The following CIMAP3 variants were observed in gnomAD, a reference collection of about 807,000 sequenced individuals.
CIMAP3 encodes ciliary microtubule associated protein 3.
At chr1:111,333,175 T>C in the CIMAP3 span, among the ~76,000 whole-genome samples, 1 of 152,176 alleles carries the variant, frequency 6.6e-6, no homozygotes, top group Non-Finnish European at 1.5e-5. Context: ...TCACCCTGGA[T>C]GGAAATTTCA....
chr1:111,330,284 T>C, the CIMAP3 span, among the ~76,000 whole-genome samples: 7 of 152,334 alleles, frequency 4.6e-5, no homozygotes, highest in South Asian at 1.2e-3. Flanking sequence ...ACTAGAGTTC[T>C]TGCATTGGTT....
At chr1:111,344,354 C>G in the CIMAP3 span, among the ~76,000 whole-genome samples, 1 of 152,132 alleles carries the variant, frequency 6.6e-6, no homozygotes, top group Non-Finnish European at 1.5e-5. Context: ...TCCAGTTTCC[C>G]CTTCTCCATG....
the CIMAP3 span, chr1:111,346,748 G>A: frequency 6.4e-7 from 1 of 1,568,448 alleles, no homozygotes; most frequent in Non-Finnish European, 8.8e-7. Flanking sequence ...AGACGAAGTG[G>A]GAGGAAGTGC....
chr1:111,350,186 A>G, the CIMAP3 span: 2 of 1,613,926 alleles, frequency 1.2e-6, no homozygotes, highest in African/African-American at 2.7e-5. Flanking sequence ...GACTGGGCTC[A>G]GGTTCCATGT....
the CIMAP3 span, chr1:111,352,139 T>G: frequency 2.0e-5 from 3 of 152,170 alleles, no homozygotes; most frequent in Non-Finnish European, 4.4e-5. Context: ...TGTAAGCAGC[T>G]GCATTTAAAG....
At chr1:111,343,026 T>C in the CIMAP3 span, among the ~76,000 whole-genome samples, 2 of 152,354 alleles carry the variant, frequency 1.3e-5, no homozygotes, top group South Asian at 4.1e-4. Flanking sequence ...TATGCTGCTA[T>C]TTTGGAACTG....
the CIMAP3 span, among the ~76,000 whole-genome samples, chr1:111,341,858 T>G: frequency 6.6e-6 from 1 of 151,688 alleles, no homozygotes; most frequent in African/African-American, 2.4e-5. Context: ...TTGAAAAGCT[T>G]TATTTTATAT....
At chr1:111,335,651 G>A in the CIMAP3 span, among the ~76,000 whole-genome samples, 1 of 152,246 alleles carries the variant, frequency 6.6e-6, no homozygotes, top group Non-Finnish European at 1.5e-5. Context: ...TGGGGGAGGG[G>A]CACCCGCCAT....
chr1:111,330,485 G>A, the CIMAP3 span, among the ~76,000 whole-genome samples: 8 of 152,332 alleles, frequency 5.3e-5, no homozygotes, highest in African/African-American at 1.7e-4. Context: ...GCTTTGGGGT[G>A]TGATCCAGCA....
the CIMAP3 span, among the ~76,000 whole-genome samples, chr1:111,333,130 G>A: frequency 1.3e-5 from 2 of 152,246 alleles, no homozygotes; most frequent in Non-Finnish European, 2.9e-5. Flanking sequence ...GTTTGGGGAA[G>A]GGTGCACAGA....
chr1:111,328,523 T>A, the CIMAP3 span, among the ~76,000 whole-genome samples: 2 of 152,250 alleles, frequency 1.3e-5, no homozygotes, highest in Admixed American at 6.5e-5. Flanking sequence ...TTTATGAATC[T>A]GTGTGCTTCT....
At chr1:111,346,580 A>G in the CIMAP3 span, 1 of 1,606,174 alleles carries the variant, frequency 6.2e-7, no homozygotes. Flanking sequence ...CGCGCTCCGC[A>G]GCTGGGAATC....
chr1:111,351,168 T>TTTTTTG, the CIMAP3 span: 1 of 183,868 alleles, frequency 5.4e-6, no homozygotes, highest in African/African-American at 9.5e-5. Flanking sequence ...AATGTACAGT[T>TTTTTTG]TTTTTTTTTT....
chr1:111,347,625 T>TTTTTTTTTTTTTTTGGTG, the CIMAP3 span: 1 of 1,077,238 alleles, frequency 9.3e-7, no homozygotes, highest in Non-Finnish European at 1.3e-6. Context: ...TTTCTTTCTT[T>TTTTTTTTTTTTTTTGGTG]TTTTTTTTTT....
chr1:111,346,883 A>G, the CIMAP3 span: 4 of 1,610,260 alleles, frequency 2.5e-6, no homozygotes, highest in Non-Finnish European at 2.5e-6. Context: ...GCCGTCCCTC[A>G]CGTGGAGCCT....
chr1:111,347,201 G>C, the CIMAP3 span: 3 of 921,242 alleles, frequency 3.3e-6, no homozygotes, highest in Admixed American at 9.5e-5. Context: ...GCAAGCAGCT[G>C]TTTCAGCCAA....
At chr1:111,338,012 C>T in the CIMAP3 span, among the ~76,000 whole-genome samples, 48 of 149,536 alleles carry the variant, frequency 3.2e-4, no homozygotes, top group African/African-American at 1.1e-3. Context: ...GACCACAGTG[C>T]AATCAAACTA....
chr1:111,332,325 C>T, the CIMAP3 span, among the ~76,000 whole-genome samples: 4 of 152,158 alleles, frequency 2.6e-5, no homozygotes, highest in Non-Finnish European at 5.9e-5. Flanking sequence ...GCTTCATTGC[C>T]CTAAGGCCAT....
chr1:111,350,183 C>G, the CIMAP3 span: 2 of 1,613,996 alleles, frequency 1.2e-6, no homozygotes, highest in Non-Finnish European at 1.7e-6. Context: ...CCAGACTGGG[C>G]TCAGGTTCCA....
Sources: allele counts gnomAD v4.1 joint callset (sites outside exome capture counted in the v4.1 genomes callset), GRCh38; gene constraint gnomAD v4.1.1; transcripts MANE v1.5; gene names NCBI Gene and HGNC (gene_info 2026-07-23, HGNC 2026-07-21).